The following ZNF215 variants were observed in gnomAD, a reference collection of about 807,000 sequenced individuals.
ZNF215 encodes the protein BWSCR2-associated zinc finger protein 2.
ZNF215 carries 24 observed loss-of-function variants against 27.2 expected under a neutral mutation model. The ratio of observed to expected loss-of-function variants is 0.88; its 90% confidence interval spans 0.64 to 1.24. The LOEUF is 1.24. ZNF215 is among the 50% of genes most tolerant of loss of function. The pLI, the probability that ZNF215 is intolerant of heterozygous loss-of-function variation, is 0.00. For synonymous variants in ZNF215, 210 were observed against 204.0 expected (o/e 1.03, Z -0.25); for missense variants, 675 against 605.7 (o/e 1.11, Z -1.20).
intron 5 of ZNF215, among the ~76,000 whole-genome samples, chr11:6,973,349 A>G (rs12419603): frequency 0.22 from 34,227 of 152,122 alleles, 3,979 homozygotes; most frequent in Non-Finnish European, 0.25. Context: ...TAGTGCCACA[A>G]TAAACATACG....
Position 6,957,774 on chromosome 11 carries a change from T to TC in ZNF215, c.*1245dup. On this transcript the variant is annotated 3_prime_UTR_variant, in exon 7 of 7. Transcript: ENST00000278319. ...TTTGGGAATTTAGGCTGGAGAGACG[T>TC]CCATAGCCTTAGGTATATCATTTAT... is the stretch of plus-strand genomic sequence containing the variant. The TC allele has an allele frequency of 1.0e-6, 1 of 985,418 alleles. No individual in the cohort carries two copies. The highest frequency in any genetic ancestry group is 1.2e-6 in the Non-Finnish European group (1 of 829,930). 61.0% of individuals were successfully genotyped at this position (985,418 alleles called of 1,614,324 possible).
In ZNF215 at chr11:6,958,047, A is replaced by G. The variant is rs964422368; in HGVS notation, c.*1516A>G. ...CTATGATTAAATAATGTCAAAATCT[A>G]TGTTTGTTCATCCTTTATATTGCAA... On this transcript the variant is annotated 3_prime_UTR_variant, in exon 7 of 7. Transcript: ENST00000278319. 7 of 985,290 alleles carry G rather than the reference A, an allele frequency of 7.1e-6. No homozygotes were observed. In the African/African-American group the frequency reaches 1.2e-4, roughly 17 times the overall value. The allele number at this position is 985,290 out of a possible 1,614,324, so 61.0% of individuals were successfully genotyped here. A position where few individuals can be genotyped will look rare whatever the true frequency, so the allele number is the denominator to read the frequency against.
downstream of ZNF215, chr11:6,988,377 C>A: frequency 2.2e-6 from 1 of 451,926 alleles, no homozygotes; most frequent in Non-Finnish European, 2.9e-6. Flanking sequence ...GAAAAGGGCT[C>A]TGTGATCAGC....
intron 6 of ZNF215, among the ~76,000 whole-genome samples, chr11:6,950,752 A>G (rs375290859): frequency 0.14 from 19,384 of 135,636 alleles, 1,369 homozygotes; most frequent in Middle Eastern, 0.21. Context: ...TGCCCTGGCC[A>G]GAACTTCCAA....
downstream of ZNF215, among the ~76,000 whole-genome samples, chr11:6,985,060 T>A (rs1851032817): frequency 6.6e-6 from 1 of 152,034 alleles, no homozygotes; most frequent in Non-Finnish European, 1.5e-5. Context: ...AAAGGCAGCA[T>A]CACCCTGAGA....
chr11:6,969,908 G>T (rs2133333226), intron 5 of ZNF215, among the ~76,000 whole-genome samples: 1 of 152,256 alleles, frequency 6.6e-6, no homozygotes, highest in Non-Finnish European at 1.5e-5. Flanking sequence ...AGCCTCCTGG[G>T]TAGCTGGGAT....
At chr11:6,991,678 C>T (rs1052893905), downstream of ZNF215, among the ~76,000 whole-genome samples, 2 of 152,232 alleles carry the variant, frequency 1.3e-5, no homozygotes, top group Non-Finnish European at 1.5e-5. Flanking sequence ...TTCTACACTT[C>T]TAGAGTTCTC....
intron 6 of ZNF215, among the ~76,000 whole-genome samples, chr11:6,953,281 T>C (rs1850160727): frequency 6.6e-6 from 1 of 152,236 alleles, no homozygotes; most frequent in Non-Finnish European, 1.5e-5. Flanking sequence ...AATGTTGGCC[T>C]GCCTTGCTAG....
intron 4 of ZNF215, 34 bp downstream of exon 4, chr11:6,941,687 A>G (rs1564950964): frequency 5.6e-6 from 9 of 1,606,840 alleles, no homozygotes; most frequent in South Asian, 2.2e-5. Flanking sequence ...CTGAACACAT[A>G]TGCTCATTTT....
chr11:6,963,186 C>T (rs1237474762), intron 5 of ZNF215, among the ~76,000 whole-genome samples: 1 of 152,028 alleles, frequency 6.6e-6, no homozygotes, highest in African/African-American at 2.4e-5. Context: ...TCCACCACTA[C>T]AGAAAATTCT....
intron 5 of ZNF215, among the ~76,000 whole-genome samples, chr11:6,973,689 T>G (rs1045411245): frequency 2.6e-4 from 40 of 152,282 alleles, no homozygotes; most frequent in Non-Finnish European, 4.9e-4. Flanking sequence ...GCTGCATAAA[T>G]GTCTTCTTTT....
chr11:6,951,944 C>G (rs1219865151), intron 6 of ZNF215, among the ~76,000 whole-genome samples: 1 of 152,236 alleles, frequency 6.6e-6, no homozygotes, highest in East Asian at 1.9e-4. Context: ...TCTTTGTTCT[C>G]ACTGGTTTCA....
downstream of ZNF215, chr11:6,988,080 G>A (rs1380756075): frequency 9.1e-6 from 4 of 439,774 alleles, no homozygotes; most frequent in Non-Finnish European, 9.0e-6. Flanking sequence ...TGTTGAAGTA[G>A]TGTGACCTGT....
chr11:6,955,116 C>T, intron 6 of ZNF215, among the ~76,000 whole-genome samples: 1 of 152,050 alleles, frequency 6.6e-6, no homozygotes, highest in East Asian at 1.9e-4. Context: ...TATTTTGAGC[C>T]CAGAAAAAGG....
intron 6 of ZNF215, among the ~76,000 whole-genome samples, chr11:6,953,069 C>T (rs995282169): frequency 1.6e-4 from 24 of 152,198 alleles, no homozygotes; most frequent in Admixed American, 1.2e-3. Flanking sequence ...GGCCCCCACT[C>T]TCTTCTGGCT....
intron 5 of ZNF215, among the ~76,000 whole-genome samples, chr11:6,965,365 T>A (rs1850598453): frequency 1.3e-5 from 2 of 152,134 alleles, no homozygotes; most frequent in African/African-American, 4.8e-5. Context: ...GTATAAAAGA[T>A]GTTTCCAAAG....
At chr11:6,986,924 T>C (rs1387532850), downstream of ZNF215, among the ~76,000 whole-genome samples, 2 of 152,176 alleles carry the variant, frequency 1.3e-5, no homozygotes, top group African/African-American at 2.4e-5. Context: ...GGAATACTTA[T>C]ACATTGTTTT....
intron 4 of ZNF215, 138 bp downstream of exon 4, chr11:6,941,791 T>C (rs1036102421): frequency 9.9e-6 from 8 of 808,420 alleles, no homozygotes; most frequent in Non-Finnish European, 1.6e-5. Context: ...CACAGGACAC[T>C]GGACCTATTT....
At chr11:6,953,711 A>G (rs1221512846) in intron 6 of ZNF215, among the ~76,000 whole-genome samples, 1 of 152,162 alleles carries the variant, frequency 6.6e-6, no homozygotes, top group African/African-American at 2.4e-5. Flanking sequence ...TAGTTTGATC[A>G]TCTGAAGCCT....
Sources: gnomAD v4.1 joint callset for allele counts (sites outside exome capture counted in the v4.1 genomes callset) on GRCh38, gnomAD v4.1.1 for gene constraint, MANE v1.5 for transcripts, NCBI Gene and HGNC (gene_info 2026-07-23, HGNC 2026-07-21) for gene names.